Variants in PATJ observed in about 807,000 individuals in gnomAD.
PATJ encodes the protein PATJ crumbs cell polarity complex component, also known as inaD-like protein.
Under a neutral mutation model 224.9 loss-of-function variants are expected in PATJ, and 190 were observed. The ratio of observed to expected loss-of-function variants is 0.84; its 90% CI spans 0.75 to 0.95. The LOEUF is 0.95. PATJ is among the 40% of genes least tolerant of loss of function. The pLI, the probability that PATJ is intolerant of heterozygous loss-of-function variation, is 0.00. For synonymous variants in PATJ, 769 were observed against 820.3 expected (o/e 0.94, Z 1.07); for missense variants, 2,121 against 2,270.3 (o/e 0.93, Z 1.34).
At chr1:61,873,139 A>G (rs1309728563) in intron 20 of PATJ, among the ~76,000 whole-genome samples, 1 of 152,128 alleles carries the variant, frequency 6.6e-6, no homozygotes, top group Non-Finnish European at 1.5e-5. Flanking sequence ...TAAAATAGTC[A>G]TTTAAATTTG....
chr1:62,098,666 G>T (rs933747362), intron 33 of PATJ, among the ~76,000 whole-genome samples: 2 of 151,830 alleles, frequency 1.3e-5, no homozygotes, highest in African/African-American at 4.8e-5. Context: ...TGAACAAATT[G>T]ATCCAGTTGG....
At chr1:61,919,579 A>G (rs1385470654) in intron 26 of PATJ, among the ~76,000 whole-genome samples, 1 of 152,074 alleles carries the variant, frequency 6.6e-6, no homozygotes, top group Non-Finnish European at 1.5e-5. Context: ...TGCTGGGGTT[A>G]CAGGTTTGAG....
intron 27 of PATJ, among the ~76,000 whole-genome samples, chr1:61,982,094 G>A (rs890420910): frequency 6.6e-6 from 1 of 151,992 alleles, no homozygotes; most frequent in Non-Finnish European, 1.5e-5. Context: ...CTTAGGTTTT[G>A]TGGCCTGCTT....
chr1:61,960,016 C>T (rs1002618226), intron 27 of PATJ, among the ~76,000 whole-genome samples: 1 of 151,750 alleles, frequency 6.6e-6, no homozygotes, highest in South Asian at 2.1e-4. Flanking sequence ...GAGCAAGGCC[C>T]CCATTTCTAA....
chr1:62,012,315 G>A (rs1034118589), intron 28 of PATJ, among the ~76,000 whole-genome samples: 17 of 152,298 alleles, frequency 1.1e-4, no homozygotes, highest in African/African-American at 3.8e-4. Flanking sequence ...GCAAATTATA[G>A]TTTCATAATC....
At chr1:62,056,517 G>A (rs1463053662) in intron 31 of PATJ, among the ~76,000 whole-genome samples, 1 of 151,902 alleles carries the variant, frequency 6.6e-6, no homozygotes, top group African/African-American at 2.4e-5. Context: ...GACAGAGTAA[G>A]ACCTTATCTC....
At chr1:61,969,702 T>C (rs2149458145) in intron 27 of PATJ, among the ~76,000 whole-genome samples, 1 of 152,284 alleles carries the variant, frequency 6.6e-6, no homozygotes, top group South Asian at 2.1e-4. Context: ...GTACTTTGTT[T>C]TGTTTGTTTG....
At chr1:62,128,514 A>G (rs990505474) in intron 40 of PATJ, 6 of 293,624 alleles carry the variant, frequency 2.0e-5, no homozygotes, top group Non-Finnish European at 3.8e-5. Flanking sequence ...TGGCTTCCTC[A>G]TTAGAACTTT....
chr1:62,031,600 C>T (rs1649309369), intron 29 of PATJ, among the ~76,000 whole-genome samples: 1 of 152,082 alleles, frequency 6.6e-6, no homozygotes, highest in African/African-American at 2.4e-5. Context: ...CCTGGACTCA[C>T]CTAGGGATTT....
intron 1 of PATJ, among the ~76,000 whole-genome samples, chr1:61,758,196 T>C (rs1244097623): frequency 6.6e-6 from 1 of 152,200 alleles, no homozygotes; most frequent in African/African-American, 2.4e-5. Context: ...TGAGCATTCC[T>C]TCTTGGAGGA....
chr1:62,068,152 C>G (rs1656794586), intron 31 of PATJ, among the ~76,000 whole-genome samples: 1 of 152,130 alleles, frequency 6.6e-6, no homozygotes, highest in African/African-American at 2.4e-5. Context: ...TCCCTTGCAG[C>G]CTGATGCCTG....
chr1:61,831,310 A>G (rs1659281067), intron 16 of PATJ, among the ~76,000 whole-genome samples: 1 of 152,156 alleles, frequency 6.6e-6, no homozygotes, highest in Non-Finnish European at 1.5e-5. Flanking sequence ...GAGCAATTGC[A>G]ACAAAAACAA....
intron 1 of PATJ, among the ~76,000 whole-genome samples, chr1:61,755,317 A>C (rs1003730805): frequency 6.6e-6 from 1 of 151,640 alleles, no homozygotes; most frequent in South Asian, 2.1e-4. Context: ...TCAAAAAAAA[A>C]AAAAAAGAGT....
At chr1:61,898,844 T>C (rs1670728383) in intron 22 of PATJ, among the ~76,000 whole-genome samples, 1 of 152,200 alleles carries the variant, frequency 6.6e-6, no homozygotes, top group Non-Finnish European at 1.5e-5. Flanking sequence ...TGAAGTGCAG[T>C]GGCACAAACA....
intron 20 of PATJ, among the ~76,000 whole-genome samples, chr1:61,871,559 T>TA (rs1557794110): frequency 0.036 from 489 of 13,576 alleles, 3 homozygotes; most frequent in South Asian, 0.2. Flanking sequence ...ATATATATAT[T>TA]TTTTTTTTTT....
At chr1:61,967,200 G>T (rs1263403798) in intron 27 of PATJ, among the ~76,000 whole-genome samples, 1 of 152,128 alleles carries the variant, frequency 6.6e-6, no homozygotes, top group Non-Finnish European at 1.5e-5. Context: ...CTCATTCTTT[G>T]TAAGATTAAT....
intron 20 of PATJ, among the ~76,000 whole-genome samples, chr1:61,871,424 T>C (rs562806104): frequency 3.3e-5 from 2 of 59,962 alleles, no homozygotes; most frequent in Non-Finnish European, 6.3e-5. Flanking sequence ...CATATATATG[T>C]ACATATATAT....
chr1:62,010,359 A>G (rs1340050381), intron 28 of PATJ, among the ~76,000 whole-genome samples: 1 of 151,878 alleles, frequency 6.6e-6, no homozygotes, highest in Non-Finnish European at 1.5e-5. Context: ...ACATTTATTT[A>G]AGTGTACAGC....
intron 29 of PATJ, among the ~76,000 whole-genome samples, chr1:62,033,945 G>A (rs1315388092): frequency 6.6e-6 from 1 of 152,168 alleles, no homozygotes; most frequent in East Asian, 1.9e-4. Context: ...TTTTAACAGA[G>A]CATGGCAAGT....
Sources: gnomAD v4.1 joint callset for allele counts (sites outside exome capture counted in the v4.1 genomes callset) on GRCh38, gnomAD v4.1.1 for gene constraint, MANE v1.5 for transcripts, NCBI Gene and HGNC (gene_info 2026-07-23, HGNC 2026-07-21) for gene names.